NBAS: variants seen among roughly 807,000 people sequenced by gnomAD.
NBAS encodes NBAS subunit of NRZ tethering complex, also known as NAG/BC035112 fusion.
A neutral mutation model predicts 302.5 loss-of-function variants in NBAS; 219 were observed. The ratio of observed to expected loss-of-function variants is 0.72; its 90% confidence interval spans 0.65 to 0.81. The LOEUF is 0.81. NBAS is among the 30% of genes least tolerant of loss of function. The pLI is 0.00. For synonymous variants in NBAS, 1,118 were observed against 1,021.6 expected (o/e 1.09, Z -1.80); for missense variants, 2,932 against 2,841.6 (o/e 1.03, Z -0.72).
intron 10 of NBAS, among the ~76,000 whole-genome samples, chr2:15,510,368 A>G (rs1382021145): frequency 6.6e-6 from 1 of 152,228 alleles, no homozygotes; most frequent in Non-Finnish European, 1.5e-5. Context: ...TAAGACAGTA[A>G]AAAGTTCCAC....
At position 15,286,470 on chromosome 2, in the gene NBAS, C is replaced by A. The variant is rs150065082; in HGVS notation, c.5138+603G>T. ...TCCACAATCTTGCTGTACAGCCTGG[C>A]TCCTATGCCTTGCCCCAGTCTCATC... On this transcript the variant is annotated intron_variant, in intron 42 of 51. Transcript: ENST00000281513. Among the ~76,000 whole-genome samples, 1,363 of 152,316 alleles carry A rather than the reference C, an allele frequency of 8.9e-3. 9 individuals are homozygous for A. Among genetic ancestry groups the A allele is most frequent in the South Asian group, 0.028 (137 of 4,820 alleles).
intron 44 of NBAS, among the ~76,000 whole-genome samples, chr2:15,269,326 A>T (rs1489960316): frequency 6.6e-6 from 1 of 152,176 alleles, no homozygotes; most frequent in South Asian, 2.1e-4. Flanking sequence ...TAACATCCTG[A>T]TGGGAGACTA....
At chr2:15,003,053 A>G in the NBAS span, among the ~76,000 whole-genome samples, 1,174 of 152,374 alleles carry the variant, frequency 7.7e-3, 16 homozygotes, top group African/African-American at 0.027. Flanking sequence ...GAAGGCGCCG[A>G]GAGCGAGCGA....
intron 44 of NBAS, among the ~76,000 whole-genome samples, chr2:15,254,903 G>GGTGTGTGTGT (rs111732767): frequency 6.7e-6 from 1 of 149,288 alleles, no homozygotes; most frequent in African/African-American, 2.4e-5. Flanking sequence ...TGTTCCATGG[G>GGTGTGTGTGT]GTGTGTGTGT....
intron 38 of NBAS, among the ~76,000 whole-genome samples, chr2:15,316,307 T>A (rs538599620): frequency 6.6e-6 from 1 of 152,334 alleles, no homozygotes; most frequent in African/African-American, 2.4e-5. Context: ...GCGTGATCGA[T>A]GCAGAACACA....
chr2:15,360,341 A>AC (rs200642030), intron 32 of NBAS, among the ~76,000 whole-genome samples: 1 of 120,660 alleles, frequency 8.3e-6, no homozygotes. Context: ...AAAAAAAAAA[A>AC]AAAAACAAAA....
chr2:15,522,495 A>G (rs891267342), intron 9 of NBAS, among the ~76,000 whole-genome samples: 9 of 152,224 alleles, frequency 5.9e-5, no homozygotes, highest in African/African-American at 2.2e-4. Context: ...GATGTTCAGT[A>G]AGCGAGTGAA....
chr2:15,145,401 A>ATG, the NBAS span, among the ~76,000 whole-genome samples: 60,451 of 148,038 alleles, frequency 0.41, 14,538 homozygotes, highest in Non-Finnish European at 0.55. Flanking sequence ...GTTTGTTTGT[A>ATG]TGTGTGTGTG....
At chr2:14,890,534 G>T in the NBAS span, 9 of 152,004 alleles carry the variant, frequency 5.9e-5, no homozygotes, top group Non-Finnish European at 1.2e-4. Context: ...CTTACTAATG[G>T]AGGCCAGGCA....
At chr2:15,123,879 T>C in the NBAS span, among the ~76,000 whole-genome samples, 69,118 of 151,986 alleles carry the variant, frequency 0.45, 18,482 homozygotes, top group Non-Finnish European at 0.58. Context: ...TATTGAAGAG[T>C]AGGGCATTGC....
the NBAS span, among the ~76,000 whole-genome samples, chr2:15,010,150 C>T: frequency 6.6e-6 from 1 of 152,122 alleles, no homozygotes; most frequent in South Asian, 2.1e-4. Flanking sequence ...GTCCATTGCT[C>T]AGAAGGCCTG....
At chr2:14,894,679 A>C in the NBAS span, among the ~76,000 whole-genome samples, 1 of 152,192 alleles carries the variant, frequency 6.6e-6, no homozygotes, top group African/African-American at 2.4e-5. Flanking sequence ...GAGAATGAAT[A>C]AGCGTTGAGA....
At chr2:14,970,722 C>T in the NBAS span, among the ~76,000 whole-genome samples, 5 of 152,222 alleles carry the variant, frequency 3.3e-5, no homozygotes, top group Non-Finnish European at 7.3e-5. Context: ...GTGAAGACCT[C>T]TGCTAGGAGG....
the NBAS span, among the ~76,000 whole-genome samples, chr2:14,935,327 TA>T: frequency 1.3e-5 from 2 of 152,244 alleles, no homozygotes; most frequent in South Asian, 4.1e-4. Context: ...CATCATTTTT[TA>T]AAATTTCCTA....
intron 25 of NBAS, among the ~76,000 whole-genome samples, chr2:15,413,438 C>A (rs1676777237): frequency 6.6e-6 from 1 of 152,054 alleles, no homozygotes; most frequent in African/African-American, 2.4e-5. Flanking sequence ...ATAATAGAGA[C>A]AGAGTACAAA....
At chr2:14,991,752 C>G in the NBAS span, among the ~76,000 whole-genome samples, 1 of 152,206 alleles carries the variant, frequency 6.6e-6, no homozygotes, top group Non-Finnish European at 1.5e-5. Flanking sequence ...TCACTCAGAC[C>G]TGCTGTATGA....
intron 14 of NBAS, 41 bp from the exon 15 acceptor site, chr2:15,474,365 TAAG>T: frequency 6.5e-7 from 1 of 1,539,468 alleles, no homozygotes; most frequent in Non-Finnish European, 8.8e-7. Flanking sequence ...AGTAAGGAAA[TAAG>T]AATAACTTTT....
At chr2:15,518,001 T>C (rs1416690546) in intron 9 of NBAS, among the ~76,000 whole-genome samples, 4 of 152,138 alleles carry the variant, frequency 2.6e-5, no homozygotes, top group African/African-American at 9.7e-5. Context: ...TTGGGGACCA[T>C]CTGTTTATTA....
At position 15,427,856 on chromosome 2, in the gene NBAS, A is replaced by C. The variant is rs377047552; in HGVS notation, c.2340-62T>G. The C allele has an allele frequency of 2.2e-4, 282 of 1,292,460 alleles. No individual in the cohort carries two copies. In the African/African-American group the frequency reaches 3.7e-3, roughly 17 times the overall value. The allele number at this position is 1,292,460 out of a possible 1,614,324, so 80.1% of individuals were successfully genotyped here. A position where few individuals can be genotyped will look rare whatever the true frequency, so the allele number is the denominator to read the frequency against. On this transcript the variant is annotated intron_variant, in intron 21 of 51. Coordinates refer to ENST00000281513, the MANE Select transcript of NBAS (RefSeq NM_015909.4). ...ATTACCTCAATGACTTAGCCACACA[A>C]GGAGTAAAATGCAAACAGCATCTCT...
Sources: allele counts gnomAD v4.1 joint callset (sites outside exome capture counted in the v4.1 genomes callset), GRCh38; gene constraint gnomAD v4.1.1; transcripts MANE v1.5; gene names NCBI Gene and HGNC (gene_info 2026-07-23, HGNC 2026-07-21).